PTPRR: variants seen among roughly 807,000 people sequenced by gnomAD.
The protein encoded by PTPRR is receptor-type tyrosine-protein phosphatase R.
PTPRR carries 38 observed loss-of-function variants against 77.2 expected under a neutral mutation model. The observed-to-expected ratio is 0.49, with a 90% CI of 0.38 to 0.65. PTPRR has a LOEUF of 0.65. Ranked by LOEUF, PTPRR falls within the 30% of genes least tolerant of loss-of-function variation. The probability of loss-of-function intolerance (pLI) is 0.00; values close to 1 mark genes in which losing one functional copy is unlikely to be tolerated. For missense variants in PTPRR, 744 were observed against 799.2 expected, an observed-to-expected ratio of 0.93 and a Z score of 0.83; for synonymous variants, 299 against 283.1, an observed-to-expected ratio of 1.06 and a Z score of -0.57.
intron 8 of PTPRR, among the ~76,000 whole-genome samples, chr12:70,693,234 T>G (rs1190867288): frequency 6.6e-6 from 1 of 152,234 alleles, no homozygotes; most frequent in African/African-American, 2.4e-5. Flanking sequence ...TAAATTATGT[T>G]GGTAATTAGT....
At chr12:70,644,183 G>GT (rs1182264747) in intron 13 of PTPRR, among the ~76,000 whole-genome samples, 1 of 152,168 alleles carries the variant, frequency 6.6e-6, no homozygotes, top group African/African-American at 2.4e-5. Context: ...TTGGTCTGGT[G>GT]TTTCCCAATG....
chr12:70,803,691 G>A (rs1467242346), intron 2 of PTPRR, among the ~76,000 whole-genome samples: 1 of 152,176 alleles, frequency 6.6e-6, no homozygotes, highest in East Asian at 1.9e-4. Context: ...TATAATGCCT[G>A]AGGAAAGAGA....
chr12:70,645,199 T>C (rs1886152216), intron 13 of PTPRR, among the ~76,000 whole-genome samples: 1 of 152,206 alleles, frequency 6.6e-6, no homozygotes, highest in Admixed American at 6.5e-5. Flanking sequence ...ATTGGTTTTC[T>C]GTGTTGGTGT....
At chr12:70,883,101 A>G (rs1231601411) in intron 2 of PTPRR, among the ~76,000 whole-genome samples, 2 of 152,172 alleles carry the variant, frequency 1.3e-5, no homozygotes, top group African/African-American at 4.8e-5. Flanking sequence ...TTTCTACTAA[A>G]AATACAAAAA....
At chr12:70,911,113 T>C (rs968567035) in intron 1 of PTPRR, among the ~76,000 whole-genome samples, 1 of 152,068 alleles carries the variant, frequency 6.6e-6, no homozygotes, top group African/African-American at 2.4e-5. Context: ...CATGTGACCT[T>C]TTCCATTATG....
chr12:70,712,497 A>C (rs1039585307), intron 6 of PTPRR, among the ~76,000 whole-genome samples: 1 of 150,852 alleles, frequency 6.6e-6, no homozygotes, highest in Non-Finnish European at 1.5e-5. Flanking sequence ...GATAACCCTG[A>C]AAATCAAATA....
At chr12:70,695,919 G>C (rs1888215105) in intron 8 of PTPRR, among the ~76,000 whole-genome samples, 1 of 152,102 alleles carries the variant, frequency 6.6e-6, no homozygotes, top group Non-Finnish European at 1.5e-5. Context: ...AATTCCACCA[G>C]AAGGGGAAGG....
chr12:70,714,484 CT>C (rs1367039311), intron 6 of PTPRR, among the ~76,000 whole-genome samples: 20 of 152,072 alleles, frequency 1.3e-4, no homozygotes, highest in Non-Finnish European at 2.1e-4. Context: ...AGTTTTGCAA[CT>C]TTTTCCCTAC....
intron 2 of PTPRR, among the ~76,000 whole-genome samples, chr12:70,805,641 T>C (rs1891696999): frequency 6.6e-6 from 1 of 152,224 alleles, no homozygotes; most frequent in African/African-American, 2.4e-5. Context: ...TTTTGCCAAG[T>C]TGCCCTTCAG....
intron 1 of PTPRR, among the ~76,000 whole-genome samples, chr12:70,899,085 T>C (rs1273428947): frequency 1.3e-5 from 2 of 151,498 alleles, no homozygotes; most frequent in East Asian, 3.9e-4. Flanking sequence ...TACTTAAACC[T>C]TTTCTGAATA....
At chr12:70,708,512 A>T (rs1020932516) in intron 6 of PTPRR, among the ~76,000 whole-genome samples, 1 of 152,084 alleles carries the variant, frequency 6.6e-6, no homozygotes, top group African/African-American at 2.4e-5. Flanking sequence ...TTTTATTCAG[A>T]AAAAGGAAGA....
At chr12:70,786,319 T>C (rs1294099632) in intron 2 of PTPRR, among the ~76,000 whole-genome samples, 2 of 152,172 alleles carry the variant, frequency 1.3e-5, no homozygotes, top group Non-Finnish European at 2.9e-5. Context: ...TAGATATCCA[T>C]GGGCAAAATA....
At chr12:70,780,116 C>A (rs965228583) in intron 2 of PTPRR, among the ~76,000 whole-genome samples, 3 of 152,010 alleles carry the variant, frequency 2.0e-5, no homozygotes, top group African/African-American at 4.8e-5. Context: ...CTCAGCCTCC[C>A]GAGTAGATGG....
chr12:70,914,873 T>C (rs1893752535), intron 1 of PTPRR, among the ~76,000 whole-genome samples: 1 of 152,048 alleles, frequency 6.6e-6, no homozygotes, highest in African/African-American at 2.4e-5. Flanking sequence ...AAGATTACTA[T>C]GGAATATACA....
intron 12 of PTPRR, among the ~76,000 whole-genome samples, chr12:70,658,792 T>C (rs566574604): frequency 9.3e-5 from 14 of 151,048 alleles, no homozygotes; most frequent in East Asian, 1.9e-4. Context: ...TTCACATAAG[T>C]TTACATACTC....
At chr12:70,748,276 G>A (rs1890276056) in intron 5 of PTPRR, among the ~76,000 whole-genome samples, 1 of 152,114 alleles carries the variant, frequency 6.6e-6, no homozygotes, top group Non-Finnish European at 1.5e-5. Context: ...CCAGGTATGT[G>A]ATCATTCAAC....
intron 2 of PTPRR, among the ~76,000 whole-genome samples, chr12:70,877,760 A>G (rs954597369): frequency 6.6e-6 from 1 of 152,210 alleles, no homozygotes; most frequent in African/African-American, 2.4e-5. Flanking sequence ...TTCAAAGTTC[A>G]TATGGAACCA....
intron 4 of PTPRR, among the ~76,000 whole-genome samples, chr12:70,755,085 A>G (rs901981084): frequency 6.6e-6 from 1 of 152,174 alleles, no homozygotes; most frequent in Admixed American, 6.5e-5. Flanking sequence ...AAAGAAGCAC[A>G]TTGACTAAAA....
At chr12:70,754,145 G>A in intron 5 of PTPRR, 46 bp downstream of exon 5, 3 of 1,546,288 alleles carry the variant, frequency 1.9e-6, no homozygotes, top group Non-Finnish European at 2.7e-6. Context: ...CTAATATCAA[G>A]CAGTGGGCTG....
Sources: allele counts gnomAD v4.1 joint callset (sites outside exome capture counted in the v4.1 genomes callset), GRCh38; gene constraint gnomAD v4.1.1; transcripts MANE v1.5; gene names NCBI Gene and HGNC (gene_info 2026-07-23, HGNC 2026-07-21).